Variants in FHOD3 observed in about 807,000 individuals in gnomAD.
FHOD3 encodes FH1/FH2 domain-containing protein 3.
FHOD3 carries 90 observed loss-of-function variants against 173.0 expected under a neutral mutation model. The observed-to-expected ratio is 0.52, with a 90% CI of 0.44 to 0.62. The LOEUF (loss-of-function observed/expected upper bound fraction) is 0.62, where lower values mean the gene tolerates loss of function less well. FHOD3 is among the 20% of genes least tolerant of loss of function. The pLI, the probability that FHOD3 is intolerant of heterozygous loss-of-function variation, is 0.00. For missense variants in FHOD3, 1,945 were observed against 2,034.7 expected, an observed-to-expected ratio of 0.96 and a Z score of 0.85; for synonymous variants, 828 against 823.0, an observed-to-expected ratio of 1.01 and a Z score of -0.10.
At chr18:36,661,741 A>G (rs678884) in intron 14 of FHOD3, among the ~76,000 whole-genome samples, 70,212 of 152,100 alleles carry the variant, frequency 0.46, 17,080 homozygotes, top group East Asian at 0.57. Flanking sequence ...ATAAATTGAC[A>G]TAGGAAGGAA....
chr18:36,355,437 G>T, intron 1 of FHOD3, 102 bp from the exon 2 acceptor site: 4 of 877,812 alleles, frequency 4.6e-6, no homozygotes, highest in South Asian at 1.6e-5. Context: ...TCAGAACATT[G>T]CTTGATTTTA....
rs537067233 is a variant in FHOD3, at chr18:36,305,240, ATCCAAC to A, written c.165+7244_165+7249del. ...TTGTATCTATTTACAAACTGGAAAC[ATCCAAC>A]TCCTCTTCACCAGTTAGTTTTGTAA... is the stretch of plus-strand genomic sequence containing the variant. On this transcript the variant is annotated intron_variant, in intron 1 of 28. Transcript: ENST00000590592. Among the ~76,000 whole-genome samples, 507 of 152,368 alleles carry A rather than the reference ATCCAAC, an allele frequency of 3.3e-3. 1 individual carries two copies. Among genetic ancestry groups the A allele is most frequent in the African/African-American group, 0.011 (466 of 41,586 alleles).
At chr18:36,349,065 G>A (rs923401112) in intron 1 of FHOD3, among the ~76,000 whole-genome samples, 4 of 152,206 alleles carry the variant, frequency 2.6e-5, no homozygotes, top group African/African-American at 9.6e-5. Flanking sequence ...GTTTGGCCCA[G>A]TTTGGCCAGT....
At chr18:36,430,232 T>G (rs954944330) in intron 3 of FHOD3, among the ~76,000 whole-genome samples, 2 of 152,246 alleles carry the variant, frequency 1.3e-5, no homozygotes, top group African/African-American at 4.8e-5. Flanking sequence ...ATTTTGTTTT[T>G]TGAGACAGAA....
chr18:36,761,531 C>T (rs2042877898), intron 27 of FHOD3, among the ~76,000 whole-genome samples: 1 of 152,138 alleles, frequency 6.6e-6, no homozygotes, highest in African/African-American at 2.4e-5. Flanking sequence ...TTGGCATTCC[C>T]TCACCCTGCA....
At chr18:36,523,085 A>G (rs1256597935) in intron 5 of FHOD3, among the ~76,000 whole-genome samples, 1 of 151,980 alleles carries the variant, frequency 6.6e-6, no homozygotes, top group African/African-American at 2.4e-5. Flanking sequence ...TAGCCCCCCA[A>G]CCACACTGGA....
intron 1 of FHOD3, among the ~76,000 whole-genome samples, chr18:36,337,035 T>C (rs1365718295): frequency 6.6e-6 from 1 of 151,398 alleles, no homozygotes; most frequent in South Asian, 2.1e-4. Flanking sequence ...CAGATGGGCG[T>C]GGTGGTACAT....
chr18:36,747,971 C>T (rs1333685349), intron 24 of FHOD3, among the ~76,000 whole-genome samples: 1 of 152,036 alleles, frequency 6.6e-6, no homozygotes. Context: ...CTATACAGAA[C>T]TTTTTAAAAC....
At chr18:36,363,820 T>C (rs770805860) in intron 2 of FHOD3, among the ~76,000 whole-genome samples, 1 of 147,042 alleles carries the variant, frequency 6.8e-6, no homozygotes, top group Non-Finnish European at 1.5e-5. Context: ...AATGTGTCAA[T>C]ATCAGTTAAT....
intron 14 of FHOD3, among the ~76,000 whole-genome samples, chr18:36,667,668 C>T (rs939551913): frequency 1.3e-5 from 2 of 152,102 alleles, no homozygotes; most frequent in African/African-American, 4.8e-5. Flanking sequence ...ATGTGGGGTA[C>T]TCACCATGAA....
chr18:36,437,874 GGATGGTCTTGATCTCCTGACCTCGT>G (rs2050904790), intron 3 of FHOD3, among the ~76,000 whole-genome samples: 1 of 152,036 alleles, frequency 6.6e-6, no homozygotes, highest in African/African-American at 2.4e-5. Flanking sequence ...ATGTTGGCCA[GGATGGTCTTGATCTCCTGACCTCGT>G]GATCCATCTG....
intron 18 of FHOD3, 89 bp from the exon 19 acceptor site, chr18:36,717,743 T>C (rs2040537236): frequency 6.7e-7 from 1 of 1,489,054 alleles, no homozygotes; most frequent in Non-Finnish European, 8.9e-7. Context: ...GTCACTCCCA[T>C]GTGTCAGGCT....
intron 1 of FHOD3, among the ~76,000 whole-genome samples, chr18:36,336,894 G>A (rs192925167): frequency 2.0e-3 from 278 of 140,038 alleles, no homozygotes; most frequent in African/African-American, 7.0e-3. Context: ...TTTCTATGTC[G>A]AGCACGGTGG....
chr18:36,687,043 C>T lies in FHOD3; in HGVS notation c.1971-85C>T, dbSNP rs1345535423. The T allele has an allele frequency of 1.3e-5, 13 of 998,056 alleles. No homozygotes were observed. In the Admixed American group the frequency reaches 2.2e-4, roughly 17 times the overall value. The allele number at this position is 998,056 out of a possible 1,614,324, so 61.8% of individuals were successfully genotyped here. A position where few individuals can be genotyped will look rare whatever the true frequency, so the allele number is the denominator to read the frequency against. Reference sequence around the variant, plus strand: ...GGCAGTGCCAGTCTTTCATGATATACTGTTTATAATTTATTGGTAATTTTC... The same window carrying T: ...GGCAGTGCCAGTCTTTCATGATATATTGTTTATAATTTATTGGTAATTTTC... On this transcript the variant is annotated intron_variant, in intron 15 of 28. Coordinates refer to ENST00000590592, the MANE Select transcript of FHOD3 (RefSeq NM_001281740.3).
In FHOD3 at chr18:36,718,409, T is replaced by G. The variant is rs781370112; in HGVS notation, c.3111T>G (p.Pro1037=). 18 of 303,172 alleles carry G rather than the reference T, an allele frequency of 5.9e-5. No homozygotes were observed. The Admixed American group carries it at 9.8e-4, about 17-fold the overall frequency. The allele number at this position is 303,172 out of a possible 1,614,324, so 18.8% of individuals were successfully genotyped here. ...TTCTGGGTTTGCCGCCCCCACCCCC[T>G]CCGCCCCTGTTGGACAGCATTCCTC... The part of the protein sequence containing the change: ...PTFLGLPPPP[P]PPLLDSIPPP... Residue 1037 remains proline (P), a synonymous_variant, in exon 19 of 29, where the codon CCT becomes CCG. Coordinates refer to ENST00000590592, the MANE Select transcript of FHOD3 (RefSeq NM_001281740.3).
chr18:36,313,281 G>A (rs998094888), intron 1 of FHOD3, among the ~76,000 whole-genome samples: 13 of 151,974 alleles, frequency 8.6e-5, no homozygotes, highest in African/African-American at 2.7e-4. Flanking sequence ...AAGAATTTGT[G>A]AACTTAAAAA....
Position 36,747,079 on chromosome 18 carries a change from A to G in FHOD3, c.4176A>G (p.Lys1392=), listed in dbSNP as rs770203368. 28 of 1,613,944 alleles carry G rather than the reference A, an allele frequency of 1.7e-5. No homozygotes were observed. In the African/African-American group the frequency reaches 1.9e-4, roughly 11 times the overall value. ...AACAACGGATGTCAGAGTTCCTGAAAGACTGTGCAGAGCGAATTATAATTT... is the reference window on the plus strand; with the variant it reads ...AACAACGGATGTCAGAGTTCCTGAAGGACTGTGCAGAGCGAATTATAATTT... The part of the protein sequence containing the change: ...VLKQRMSEFL[K]DCAERIIILK... The change falls in exon 24 of 29, where the codon AAA becomes AAG. Residue 1392 remains lysine, a synonymous_variant. Coordinates refer to ENST00000590592, the MANE Select transcript of FHOD3 (RefSeq NM_001281740.3).
chr18:36,736,392 G>A (rs985470459), intron 20 of FHOD3, among the ~76,000 whole-genome samples: 8 of 152,196 alleles, frequency 5.3e-5, no homozygotes, highest in South Asian at 2.1e-4. Flanking sequence ...TTTAGCGCCC[G>A]CATCTATGGC....
chr18:36,769,475 C>T, intron 28 of FHOD3, 49 bp downstream of exon 28: 1 of 1,584,544 alleles, frequency 6.3e-7, no homozygotes, highest in South Asian at 1.2e-5. Flanking sequence ...AGGGATCTGC[C>T]CTCCCATTCT....
Sources: gnomAD v4.1 joint callset for allele counts (sites outside exome capture counted in the v4.1 genomes callset) on GRCh38, gnomAD v4.1.1 for gene constraint, MANE v1.5 for transcripts, NCBI Gene and HGNC (gene_info 2026-07-23, HGNC 2026-07-21) for gene names.